STK33: variants seen among roughly 807,000 people sequenced by gnomAD.
STK33 encodes the protein serine/threonine kinase 33.
Under a neutral mutation model 58.0 loss-of-function variants are expected in STK33, and 52 were observed. The observed-to-expected ratio is 0.90, with a 90% CI of 0.72 to 1.13. The LOEUF is 1.13. STK33 is among the 50% of genes most tolerant of loss of function. STK33 has a pLI of 0.00. For missense variants in STK33, 630 were observed against 604.2 expected, an observed-to-expected ratio of 1.04 and a Z score of -0.45; for synonymous variants, 215 against 200.1, an observed-to-expected ratio of 1.07 and a Z score of -0.63.
chr11:8,537,809 CAAA>C (rs11367717), intron 1 of STK33, among the ~76,000 whole-genome samples: 2 of 118,140 alleles, frequency 1.7e-5, no homozygotes, highest in Non-Finnish European at 3.6e-5. Context: ...GACTCTGTTT[CAAA>C]AAAAAAAAAA....
intron 1 of STK33, among the ~76,000 whole-genome samples, chr11:8,570,167 A>G (rs1034482462): frequency 6.6e-6 from 1 of 152,202 alleles, no homozygotes; most frequent in African/African-American, 2.4e-5. Context: ...AAAATTTTCA[A>G]AAAATTATTA....
At chr11:8,355,010 T>A in the STK33 span, among the ~76,000 whole-genome samples, 1 of 152,234 alleles carries the variant, frequency 6.6e-6, no homozygotes, top group Non-Finnish European at 1.5e-5. Flanking sequence ...TGGAGCTGCC[T>A]GGCCTCCAGC....
intron 1 of STK33, among the ~76,000 whole-genome samples, chr11:8,526,019 TCA>T (rs1201973016): frequency 6.6e-6 from 1 of 151,968 alleles, no homozygotes; most frequent in Admixed American, 6.6e-5. Context: ...ACACACCCAC[TCA>T]CACAACTAAA....
chr11:8,384,118 T>C, the STK33 span, among the ~76,000 whole-genome samples: 6 of 152,354 alleles, frequency 3.9e-5, no homozygotes, highest in African/African-American at 1.4e-4. Flanking sequence ...AGAAAGTATT[T>C]AGAATAAGAA....
intron 1 of STK33, among the ~76,000 whole-genome samples, chr11:8,586,452 G>A (rs1346665260): frequency 6.6e-6 from 1 of 151,968 alleles, no homozygotes; most frequent in Non-Finnish European, 1.5e-5. Context: ...CCCCCAAGCA[G>A]ACACAGAAGT....
At chr11:8,487,253 G>C (rs150457912) in intron 1 of STK33, among the ~76,000 whole-genome samples, 3 of 151,744 alleles carry the variant, frequency 2.0e-5, no homozygotes, top group Middle Eastern at 3.4e-3. Flanking sequence ...GCAAGACCCC[G>C]TCTCTACAAA....
chr11:8,339,925 C>G, the STK33 span, among the ~76,000 whole-genome samples: 1 of 152,224 alleles, frequency 6.6e-6, no homozygotes, highest in Non-Finnish European at 1.5e-5. Flanking sequence ...TGGCCCTGAC[C>G]CGACCCGCCT....
At chr11:8,455,810 C>CAAAAAAAAAAAA (rs1156835375) in intron 9 of STK33, among the ~76,000 whole-genome samples, 1 of 47,116 alleles carries the variant, frequency 2.1e-5, no homozygotes, top group Non-Finnish European at 3.9e-5. Context: ...GACTCTGTCT[C>CAAAAAAAAAAAA]AAAAAAAAAA....
chr11:8,420,026 T>C (rs944048178), intron 14 of STK33, among the ~76,000 whole-genome samples: 10 of 152,134 alleles, frequency 6.6e-5, no homozygotes, highest in Non-Finnish European at 1.2e-4. Flanking sequence ...TAAGCTGGTG[T>C]TGAACTCCTA....
chr11:8,345,826 G>GAGAAAGATGGT, the STK33 span, among the ~76,000 whole-genome samples: 6 of 152,372 alleles, frequency 3.9e-5, no homozygotes, highest in South Asian at 4.1e-4. Context: ...AAATCAACGA[G>GAGAAAGATGGT]AGAAAGATGG....
At chr11:8,351,602 T>C in the STK33 span, among the ~76,000 whole-genome samples, 1 of 152,214 alleles carries the variant, frequency 6.6e-6, no homozygotes, top group Non-Finnish European at 1.5e-5. Flanking sequence ...AAGAGGCTGA[T>C]TCCATCTCTC....
At chr11:8,520,901 T>C (rs1200977095) in intron 1 of STK33, among the ~76,000 whole-genome samples, 1 of 151,958 alleles carries the variant, frequency 6.6e-6, no homozygotes, top group Non-Finnish European at 1.5e-5. Context: ...ATCAATATTG[T>C]GAAAAAGGCC....
chr11:8,405,770 T>C (rs750017523), intron 15 of STK33, among the ~76,000 whole-genome samples: 3 of 152,184 alleles, frequency 2.0e-5, no homozygotes, highest in Non-Finnish European at 1.5e-5. Context: ...CCCTCATATA[T>C]ATCTACTATT....
intron 1 of STK33, among the ~76,000 whole-genome samples, chr11:8,507,493 A>G (rs1318263794): frequency 6.6e-6 from 1 of 152,208 alleles, no homozygotes; most frequent in Admixed American, 6.5e-5. Context: ...GAGACAGGGA[A>G]TAAGTCTAAA....
intron 14 of STK33, among the ~76,000 whole-genome samples, chr11:8,413,959 G>T (rs1475997621): frequency 6.6e-6 from 1 of 152,166 alleles, no homozygotes; most frequent in East Asian, 1.9e-4. Flanking sequence ...GCATGCTTGT[G>T]CAAAGAACAC....
the STK33 span, among the ~76,000 whole-genome samples, chr11:8,364,943 G>A: frequency 3.9e-5 from 3 of 76,550 alleles, no homozygotes; most frequent in African/African-American, 9.6e-5. Flanking sequence ...CCCCCGCCCC[G>A]CCCAAGCAAA....
At chr11:8,517,771 G>A (rs913817214) in intron 1 of STK33, among the ~76,000 whole-genome samples, 2 of 152,084 alleles carry the variant, frequency 1.3e-5, no homozygotes, top group East Asian at 1.9e-4. Flanking sequence ...GAAATGAAGC[G>A]AGAAGAGAAG....
chr11:8,551,936 T>C (rs1956327884), intron 1 of STK33, among the ~76,000 whole-genome samples: 1 of 152,108 alleles, frequency 6.6e-6, no homozygotes, highest in Admixed American at 6.6e-5. Context: ...TTCAACATGG[T>C]GTCCCTGCTG....
intron 1 of STK33, among the ~76,000 whole-genome samples, chr11:8,519,621 G>A (rs549030636): frequency 5.3e-4 from 81 of 152,140 alleles, no homozygotes; most frequent in Non-Finnish European, 1.1e-3. Flanking sequence ...AGAAAACAGA[G>A]AAGAATCAAA....
Sources: allele counts gnomAD v4.1 joint callset (sites outside exome capture counted in the v4.1 genomes callset), GRCh38; gene constraint gnomAD v4.1.1; transcripts MANE v1.5; gene names NCBI Gene and HGNC (gene_info 2026-07-23, HGNC 2026-07-21).